The following MDGA2 variants were observed in gnomAD, a reference collection of about 807,000 sequenced individuals.
The protein encoded by MDGA2 is MAM domain-containing glycosylphosphatidylinositol anchor protein 2.
A neutral mutation model predicts 117.8 loss-of-function variants in MDGA2; 40 were observed. The observed-to-expected ratio is 0.34, with a 90% CI of 0.26 to 0.44. MDGA2 has a LOEUF of 0.44. Ranked by LOEUF, MDGA2 falls within the 20% of genes least tolerant of loss-of-function variation. The pLI, the probability that MDGA2 is intolerant of heterozygous loss-of-function variation, is 1.00. For synonymous variants in MDGA2, 452 were observed against 439.0 expected, an observed-to-expected ratio of 1.03 and a Z score of -0.37; for missense variants, 1,123 against 1,250.6, an observed-to-expected ratio of 0.90 and a Z score of 1.54.
At chr14:47,090,085 A>T (rs1325726188) in intron 6 of MDGA2, among the ~76,000 whole-genome samples, 2 of 152,164 alleles carry the variant, frequency 1.3e-5, no homozygotes, top group Non-Finnish European at 2.9e-5. Flanking sequence ...TAGAAATATT[A>T]GCAGTGCTAA....
chr14:47,529,441 A>G (rs1895047250), intron 1 of MDGA2, among the ~76,000 whole-genome samples: 1 of 152,198 alleles, frequency 6.6e-6, no homozygotes, highest in Admixed American at 6.5e-5. Context: ...ACATCAGAGT[A>G]AATGAAGTAT....
intron 1 of MDGA2, among the ~76,000 whole-genome samples, chr14:47,423,544 C>T (rs1454348944): frequency 8.0e-6 from 1 of 124,372 alleles, no homozygotes; most frequent in Non-Finnish European, 1.7e-5. Context: ...TTAGTTTCCC[C>T]TATCCCCACG....
chr14:47,141,068 G>A (rs980003517), intron 4 of MDGA2, among the ~76,000 whole-genome samples: 1 of 151,940 alleles, frequency 6.6e-6, no homozygotes, highest in Non-Finnish European at 1.5e-5. Flanking sequence ...TAATTATTAG[G>A]GACATGCAAA....
At chr14:46,909,307 G>T (rs528941810) in intron 10 of MDGA2, among the ~76,000 whole-genome samples, 1 of 152,122 alleles carries the variant, frequency 6.6e-6, no homozygotes, top group East Asian at 1.9e-4. Context: ...TGTTCAGAAA[G>T]GCAGAACTTA....
At chr14:47,418,504 C>T (rs1436103755) in intron 1 of MDGA2, among the ~76,000 whole-genome samples, 1 of 152,162 alleles carries the variant, frequency 6.6e-6, no homozygotes, top group Non-Finnish European at 1.5e-5. Flanking sequence ...TATGTCCTCA[C>T]TTAGTGGAAG....
intron 1 of MDGA2, among the ~76,000 whole-genome samples, chr14:47,673,759 A>T (rs1898119510): frequency 6.6e-6 from 1 of 151,554 alleles, no homozygotes; most frequent in African/African-American, 2.4e-5. Context: ...CCTAATTAAC[A>T]AGCTTGCCCT....
At chr14:47,195,625 A>T (rs888236723) in intron 3 of MDGA2, among the ~76,000 whole-genome samples, 37 of 152,124 alleles carry the variant, frequency 2.4e-4, no homozygotes, top group Non-Finnish European at 5.3e-4. Flanking sequence ...GATAAGTTCA[A>T]GCAGTTCATT....
At chr14:47,428,604 T>C (rs1408067862) in intron 1 of MDGA2, among the ~76,000 whole-genome samples, 1 of 152,108 alleles carries the variant, frequency 6.6e-6, no homozygotes, top group East Asian at 1.9e-4. Context: ...TACTATCTCA[T>C]TATCATATCA....
intron 1 of MDGA2, among the ~76,000 whole-genome samples, chr14:47,500,573 A>G (rs780152904): frequency 4.6e-5 from 7 of 152,044 alleles, no homozygotes; most frequent in Non-Finnish European, 1.0e-4. Context: ...GAGGATACAT[A>G]AAAGATGAAC....
At chr14:47,032,313 A>G (rs1888691277) in intron 8 of MDGA2, among the ~76,000 whole-genome samples, 1 of 152,158 alleles carries the variant, frequency 6.6e-6, no homozygotes, top group African/African-American at 2.4e-5. Flanking sequence ...CAGGATGAAC[A>G]TGGTGGCTCG....
intron 3 of MDGA2, among the ~76,000 whole-genome samples, chr14:47,159,745 A>AT (rs1883554083): frequency 6.6e-6 from 1 of 151,888 alleles, no homozygotes; most frequent in Non-Finnish European, 1.5e-5. Context: ...GATTTTCTAG[A>AT]TTTTTGCTTC....
At chr14:47,379,640 G>C (rs533387454) in intron 1 of MDGA2, among the ~76,000 whole-genome samples, 3 of 152,280 alleles carry the variant, frequency 2.0e-5, no homozygotes, top group African/African-American at 7.2e-5. Flanking sequence ...ATTACATAAT[G>C]GCAAAGGGAT....
rs534573505 is a variant in MDGA2, at chr14:47,439,695, G to C, written c.281-138145C>G. Among the ~76,000 whole-genome samples, 4 of 151,588 alleles carry C rather than the reference G, an allele frequency of 2.6e-5. No homozygotes were observed. In the East Asian group the frequency reaches 7.8e-4, roughly 29 times the overall value. ...CCGACTAAATTTTTTTTTCATATAT[G>C]TGCGTATGTGTGTGTCTATGTCTGT... On this transcript the variant is annotated intron_variant, in intron 1 of 16. Coordinates refer to ENST00000399232, the MANE Select transcript of MDGA2 (RefSeq NM_001113498.3).
At chr14:46,872,377 C>T (rs1882040877) in intron 14 of MDGA2, among the ~76,000 whole-genome samples, 1 of 151,826 alleles carries the variant, frequency 6.6e-6, no homozygotes. Context: ...CTAATCTCTG[C>T]GTATTGAAAA....
chr14:47,099,635 T>C (rs1260566755), intron 5 of MDGA2, among the ~76,000 whole-genome samples: 1 of 151,906 alleles, frequency 6.6e-6, no homozygotes, highest in Non-Finnish European at 1.5e-5. Context: ...TCTGAAGTAT[T>C]ATATAATGTG....
At chr14:47,411,586 A>G (rs1181948778) in intron 1 of MDGA2, among the ~76,000 whole-genome samples, 1 of 152,210 alleles carries the variant, frequency 6.6e-6, no homozygotes, top group Non-Finnish European at 1.5e-5. Flanking sequence ...AACTACAACT[A>G]TAAGCTGAAA....
At chr14:47,591,569 C>T (rs920200483) in intron 1 of MDGA2, among the ~76,000 whole-genome samples, 2 of 152,114 alleles carry the variant, frequency 1.3e-5, no homozygotes, top group African/African-American at 4.8e-5. Flanking sequence ...CAAACCGAAT[C>T]CAGCAGCACA....
chr14:47,588,933 A>G lies in MDGA2; in HGVS notation c.280+85584T>C, dbSNP rs531346337. On this transcript the variant is annotated intron_variant, in intron 1 of 16. Coordinates refer to ENST00000399232, the MANE Select transcript of MDGA2 (RefSeq NM_001113498.3). The stretch of plus-strand genomic sequence containing the variant: ...TTGTCCATTCAGCTCTAGAGGCTGC[A>G]TGTATTGGCTTTTGGCCCTGCATCA... 7.9e-5 allele frequency among the ~76,000 whole-genome samples: 12 copies of G among 152,024 alleles called. No individual in the cohort carries two copies. The East Asian group carries it at 2.3e-3, about 29-fold the overall frequency.
At chr14:46,856,676 G>T (rs1714257036) in intron 14 of MDGA2, among the ~76,000 whole-genome samples, 1 of 151,858 alleles carries the variant, frequency 6.6e-6, no homozygotes, top group African/African-American at 2.4e-5. Context: ...TGTAGCTATT[G>T]ATGTGTTTAT....
Sources: allele counts gnomAD v4.1 joint callset (sites outside exome capture counted in the v4.1 genomes callset), GRCh38; gene constraint gnomAD v4.1.1; transcripts MANE v1.5; gene names NCBI Gene and HGNC (gene_info 2026-07-23, HGNC 2026-07-21).